The following WDR19 variants were observed in gnomAD, a reference collection of about 807,000 sequenced individuals.
WDR19 encodes the protein WD repeat-containing protein 19.
In WDR19, 121 loss-of-function variants were observed where a neutral mutation model predicts 180.0. The observed-to-expected ratio is 0.67, with a 90% confidence interval of 0.58 to 0.78. The LOEUF is 0.78. WDR19 is among the 30% of genes least tolerant of loss of function. The pLI, the probability that WDR19 is intolerant of heterozygous loss-of-function variation, is 0.00. For synonymous variants in WDR19, 497 were observed against 540.7 expected (o/e 0.92, Z 1.12); for missense variants, 1,450 against 1,640.7 (o/e 0.88, Z 2.01).
At chr4:39,253,862 A>C in intron 25 of WDR19, 44 bp from the exon 26 acceptor site, 1 of 1,495,958 alleles carries the variant, frequency 6.7e-7, no homozygotes, top group African/African-American at 1.4e-5. Flanking sequence ...TGTAAATCAC[A>C]AATTTATATT....
chr4:39,266,351 A>G (rs1433304607), intron 29 of WDR19, among the ~76,000 whole-genome samples: 2 of 152,204 alleles, frequency 1.3e-5, no homozygotes, highest in East Asian at 1.9e-4. Flanking sequence ...CATAAAATAC[A>G]CTAACACTAA....
chr4:39,217,282 A>T, intron 13 of WDR19, 42 bp downstream of exon 13: 1 of 1,408,894 alleles, frequency 7.1e-7, no homozygotes. Context: ...CTAAGTTATA[A>T]TGAACAGCCT....
At chr4:39,259,335 T>C (rs1224994654) in intron 28 of WDR19, among the ~76,000 whole-genome samples, 1 of 152,246 alleles carries the variant, frequency 6.6e-6, no homozygotes, top group Non-Finnish European at 1.5e-5. Context: ...AATTACCATG[T>C]GGTATGAATC....
At chr4:39,242,811 A>G (rs1157643145) in intron 21 of WDR19, among the ~76,000 whole-genome samples, 1 of 152,210 alleles carries the variant, frequency 6.6e-6, no homozygotes, top group Non-Finnish European at 1.5e-5. Flanking sequence ...CTGGGATTAC[A>G]GGCATGGGCC....
At position 39,277,108 on chromosome 4, in the gene WDR19, G is replaced by C; in HGVS notation, c.3805G>C (p.Gly1269Arg). ...CCCAGAGTGTGAACTCCTCTGTCCT[G>C]GATGTAAAAACAGTATCCCATATTG... The part of the protein sequence containing the change: ...LLPECELLCP[G>R]CKNSIPYCIA... Residue 1269 changes from glycine to arginine, a missense_variant, in exon 34 of 37, where the codon GGA becomes CGA. Physicochemically the swap from Gly to Arg is moderately radical, Grantham distance 125 (BLOSUM62 -2). Coordinates refer to ENST00000399820, the MANE Select transcript of WDR19 (RefSeq NM_025132.4). 1 of 1,613,088 alleles carries C rather than the reference G, an allele frequency of 6.2e-7. No individual in the cohort carries two copies. The highest frequency in any genetic ancestry group is 2.2e-5 in the East Asian group (1 of 44,840).
intron 20 of WDR19, 117 bp downstream of exon 20, chr4:39,234,992 A>T: frequency 1.6e-6 from 1 of 631,376 alleles, no homozygotes; most frequent in Non-Finnish European, 2.7e-6. Context: ...TTAGAGAAAA[A>T]ATACTGTATT....
In WDR19 at chr4:39,253,954, C is replaced by T. The variant is rs1490389175; in HGVS notation, c.2925C>T (p.Val975=). 1 of 1,611,456 alleles carries T rather than the reference C, an allele frequency of 6.2e-7. No homozygotes were observed. Among genetic ancestry groups the T allele is most frequent in the Non-Finnish European group, 8.5e-7 (1 of 1,178,154 alleles). The change falls in exon 26 of 37, where the codon GTC becomes GTT. Residue 975 remains valine, a synonymous_variant. Transcript: ENST00000399820. ...ATGGGTCTGCCATCCAGTTTCTTGT[C>T]ATGTCCAAATGCAACAATGAAGCTT... ...GDYGSAIQFL[V]MSKCNNEAFT...
intron 17 of WDR19, among the ~76,000 whole-genome samples, chr4:39,231,167 C>T (rs572555158): frequency 6.6e-6 from 1 of 151,988 alleles, no homozygotes; most frequent in Non-Finnish European, 1.5e-5. Context: ...AAAAATTAGC[C>T]GGGTGTCATG....
At chr4:39,188,198 AATATTTAATACCAAGATGAAAAAT>A (rs1213461588) in intron 3 of WDR19, among the ~76,000 whole-genome samples, 8 of 152,160 alleles carry the variant, frequency 5.3e-5, no homozygotes, top group African/African-American at 1.9e-4. Flanking sequence ...CAAGATGAAA[AATATTTAATACCAAGATGAAAAAT>A]ATATTTAATA....
intron 32 of WDR19, chr4:39,274,024 C>T (rs368830936): frequency 5.9e-5 from 9 of 152,186 alleles, no homozygotes; most frequent in Admixed American, 2.6e-4. Context: ...AATACGTAAA[C>T]GAATGGGCAT....
At chr4:39,191,584 G>A (rs964939782) in intron 4 of WDR19, among the ~76,000 whole-genome samples, 1 of 152,108 alleles carries the variant, frequency 6.6e-6, no homozygotes, top group African/African-American at 2.4e-5. Context: ...TATTTACTCT[G>A]CTCCTGCCTA....
chr4:39,225,091 G>C (rs1353074462), intron 15 of WDR19, 58 bp downstream of exon 15: 2 of 1,393,420 alleles, frequency 1.4e-6, no homozygotes, highest in African/African-American at 1.5e-5. Context: ...GGGAAAAAAA[G>C]TGTTTAAAGC....
intron 14 of WDR19, among the ~76,000 whole-genome samples, chr4:39,221,143 A>G (rs998336259): frequency 1.3e-5 from 2 of 152,196 alleles, no homozygotes; most frequent in African/African-American, 4.8e-5. Context: ...TCAGTAAGGT[A>G]GGTCTCATAT....
chr4:39,250,439 A>C (rs961269218), intron 24 of WDR19, among the ~76,000 whole-genome samples: 2 of 152,164 alleles, frequency 1.3e-5, no homozygotes, highest in African/African-American at 4.8e-5. Flanking sequence ...CCCTTTGAAA[A>C]CCGTCAAAAG....
At chr4:39,205,412 G>T in intron 8 of WDR19, 146 bp downstream of exon 8, 1 of 1,172,570 alleles carries the variant, frequency 8.5e-7, no homozygotes, top group Non-Finnish European at 1.2e-6. Context: ...GATTTAGTAT[G>T]CAAAACTACC....
chr4:39,266,531 G>A (rs1441950990), intron 29 of WDR19, among the ~76,000 whole-genome samples: 1 of 152,168 alleles, frequency 6.6e-6, no homozygotes, highest in Non-Finnish European at 1.5e-5. Context: ...GGAGGATAAC[G>A]TATATTCACT....
At chr4:39,230,808 T>C (rs1730761741) in intron 17 of WDR19, among the ~76,000 whole-genome samples, 1 of 152,172 alleles carries the variant, frequency 6.6e-6, no homozygotes, top group Non-Finnish European at 1.5e-5. Flanking sequence ...GATGAATGAA[T>C]AGATAGATGG....
intron 36 of WDR19, among the ~76,000 whole-genome samples, chr4:39,284,541 G>A (rs1578081482): frequency 6.9e-6 from 1 of 143,898 alleles, no homozygotes; most frequent in Admixed American, 7.3e-5. Flanking sequence ...GTCTCACTAT[G>A]TTGCCCAGGC....
chr4:39,242,899 C>T (rs545477801), intron 21 of WDR19, among the ~76,000 whole-genome samples: 43 of 152,166 alleles, frequency 2.8e-4, no homozygotes, highest in African/African-American at 9.4e-4. Context: ...AACTCCTGGC[C>T]TCAAGTGATC....
Sources: gnomAD v4.1 joint callset for allele counts (sites outside exome capture counted in the v4.1 genomes callset) on GRCh38, gnomAD v4.1.1 for gene constraint, MANE v1.5 for transcripts, NCBI Gene and HGNC (gene_info 2026-07-23, HGNC 2026-07-21) for gene names.